Variants in MTA3 observed in about 807,000 individuals in gnomAD.
MTA3 encodes the protein metastasis-associated protein MTA3.
Under a neutral mutation model 83.5 loss-of-function variants are expected in MTA3, and 34 were observed. The ratio of observed to expected loss-of-function variants is 0.41; its 90% CI spans 0.31 to 0.54. MTA3 has a LOEUF of 0.54. MTA3 is among the 20% of genes least tolerant of loss of function. The pLI, the probability that MTA3 is intolerant of heterozygous loss-of-function variation, is 0.33. For missense variants in MTA3, 761 were observed against 726.4 expected (o/e 1.05, Z -0.55); for synonymous variants, 303 against 252.7 (o/e 1.20, Z -1.89).
intron 12 of MTA3, among the ~76,000 whole-genome samples, chr2:42,705,468 G>A (rs571977476): frequency 2.0e-5 from 3 of 152,328 alleles, no homozygotes; most frequent in African/African-American, 7.2e-5. Context: ...ACTTTGGGAG[G>A]CTGAGGCGGG....
intron 2 of MTA3, among the ~76,000 whole-genome samples, chr2:42,531,167 G>A (rs1269420091): frequency 6.6e-6 from 1 of 152,092 alleles, no homozygotes; most frequent in East Asian, 1.9e-4. Flanking sequence ...CTGTTGGTAA[G>A]TAAGCCGGAC....
intron 2 of MTA3, among the ~76,000 whole-genome samples, chr2:42,527,201 A>C (rs1411458348): frequency 6.6e-6 from 1 of 152,044 alleles, no homozygotes; most frequent in East Asian, 1.9e-4. Context: ...GCTCAACTGA[A>C]CCAACCAATC....
intron 11 of MTA3, 127 bp from the exon 12 acceptor site, chr2:42,704,067 T>G: frequency 1.8e-6 from 2 of 1,115,706 alleles, no homozygotes; most frequent in South Asian, 3.3e-5. Context: ...CCAGTTTATT[T>G]CTTCTTCACA....
intron 16 of MTA3, among the ~76,000 whole-genome samples, chr2:42,744,650 G>A (rs1035617149): frequency 2.6e-5 from 4 of 152,174 alleles, no homozygotes; most frequent in African/African-American, 9.7e-5. Flanking sequence ...TTGGGAGGAG[G>A]AGTAGAGGTT....
At position 42,729,086 on chromosome 2, in the gene MTA3, G is replaced by GTTTTTTGTTTTTTTTTTTTTTTTT. The variant is rs1430675726; in HGVS notation, c.1759+6057_1759+6058insGTTTTTTTTTTTTTTTTTTTTTTT. ...TTCTTTTATTAGTTTCACAGTTTGA[G>GTTTTTTGTTTTTTTTTTTTTTTTT]TTTTTTTTTTTTTTTTTTTTTTTTT... On this transcript the variant is annotated intron_variant, in intron 16 of 16. Transcript: ENST00000405094. Among the ~76,000 whole-genome samples the GTTTTTTGTTTTTTTTTTTTTTTTT allele has an allele frequency of 8.3e-5, 5 of 60,142 alleles. 1 individual carries two copies. The highest frequency in any genetic ancestry group is 8.9e-5 in the Non-Finnish European group (3 of 33,858). 39.5% of individuals were successfully genotyped at this position (60,142 alleles called of 152,430 possible). A position where few individuals can be genotyped will look rare whatever the true frequency, so the allele number is the denominator to read the frequency against.
At position 42,695,634 on chromosome 2, in the gene MTA3, C is replaced by CAAAAAAAAAAAAAA. The variant is rs70963347; in HGVS notation, c.892-117_892-104dup. The CAAAAAAAAAAAAAA allele has an allele frequency of 8.4e-5, 11 of 130,792 alleles. No homozygotes were observed. In the African/African-American group the frequency reaches 8.8e-4, roughly 10 times the overall value. The allele number at this position is 130,792 out of a possible 1,614,324, so 8.1% of individuals were successfully genotyped here. On this transcript the variant is annotated intron_variant, in intron 9 of 16. Coordinates refer to ENST00000405094, the MANE Select transcript of MTA3 (RefSeq NM_001330442.2). ...TGGGCAACAAAGTGACAGTCTATCTCAAAAAAAAAAAAAAAAAAAAAAAAA... is the reference window on the plus strand; with the variant it reads ...TGGGCAACAAAGTGACAGTCTATCTCAAAAAAAAAAAAAAAAAAAAAAAAAAAAAAAAAAAAAAA...
chr2:42,621,561 C>A (rs577110639), intron 4 of MTA3, among the ~76,000 whole-genome samples: 1 of 152,366 alleles, frequency 6.6e-6, no homozygotes, highest in East Asian at 1.9e-4. Flanking sequence ...AATCTGACTT[C>A]TCTATCTTTT....
At chr2:42,740,498 C>G (rs1668949656) in intron 16 of MTA3, among the ~76,000 whole-genome samples, 1 of 152,238 alleles carries the variant, frequency 6.6e-6, no homozygotes, top group Admixed American at 6.5e-5. Flanking sequence ...AAGCAGGACC[C>G]TGTCTCCAAT....
chr2:42,658,851 G>C (rs1303337662), intron 7 of MTA3, among the ~76,000 whole-genome samples: 1 of 151,344 alleles, frequency 6.6e-6, no homozygotes, highest in Non-Finnish European at 1.5e-5. Flanking sequence ...GAGGCGGGAG[G>C]ATCACTTGAG....
At chr2:42,502,571 G>C (rs1054493245) in intron 2 of MTA3, among the ~76,000 whole-genome samples, 1 of 152,114 alleles carries the variant, frequency 6.6e-6, no homozygotes, top group African/African-American at 2.4e-5. Flanking sequence ...GGCCAAGGCA[G>C]CTGAATCACC....
intron 2 of MTA3, among the ~76,000 whole-genome samples, chr2:42,536,716 G>A (rs1052937744): frequency 7.9e-5 from 12 of 151,902 alleles, no homozygotes; most frequent in Non-Finnish European, 1.3e-4. Context: ...AAAATTAGCC[G>A]GGCGTGGTAG....
chr2:42,564,170 G>T (rs1052006380), upstream of MTA3, among the ~76,000 whole-genome samples: 6 of 152,138 alleles, frequency 3.9e-5, no homozygotes, highest in Admixed American at 3.3e-4. Flanking sequence ...AAATAGTAGG[G>T]TCAGTTAGGT....
intron 6 of MTA3, among the ~76,000 whole-genome samples, chr2:42,653,537 A>T (rs563593434): frequency 2.6e-5 from 4 of 152,308 alleles, no homozygotes; most frequent in African/African-American, 9.6e-5. Context: ...TCAAAATGGG[A>T]ATCTCCTCTT....
At chr2:42,737,274 G>C (rs1020827708) in intron 16 of MTA3, among the ~76,000 whole-genome samples, 1 of 152,190 alleles carries the variant, frequency 6.6e-6, no homozygotes, top group African/African-American at 2.4e-5. Context: ...TTAACCCACA[G>C]TGGAAGGGCT....
At chr2:42,752,384 C>T in intron 16 of MTA3, 1 of 413,576 alleles carries the variant, frequency 2.4e-6, no homozygotes, top group Non-Finnish European at 5.0e-6. Context: ...CTTATCCCTT[C>T]TCAGCAAACA....
intron 4 of MTA3, among the ~76,000 whole-genome samples, chr2:42,632,048 T>C (rs1016194890): frequency 6.7e-6 from 1 of 150,344 alleles, no homozygotes; most frequent in Non-Finnish European, 1.5e-5. Flanking sequence ...CACCCTATGA[T>C]ACCATCAAAT....
At chr2:42,719,187 A>T in intron 15 of MTA3, 113 bp downstream of exon 15, 1 of 727,278 alleles carries the variant, frequency 1.4e-6, no homozygotes, top group Non-Finnish European at 2.3e-6. Flanking sequence ...AAATAGCCGA[A>T]ATTGGATACC....
At chr2:42,499,354 C>A (rs985437612) in intron 2 of MTA3, among the ~76,000 whole-genome samples, 1 of 151,442 alleles carries the variant, frequency 6.6e-6, no homozygotes, top group Non-Finnish European at 1.5e-5. Flanking sequence ...TTAGTAGAGA[C>A]AGGGTTTCTC....
chr2:42,513,120 C>T (rs763405956), intron 2 of MTA3, among the ~76,000 whole-genome samples: 54 of 152,302 alleles, frequency 3.5e-4, no homozygotes, highest in Admixed American at 1.7e-3. Flanking sequence ...ACTGGGCATA[C>T]GAGAGGCTAG....
Sources: allele counts gnomAD v4.1 joint callset (sites outside exome capture counted in the v4.1 genomes callset), GRCh38; gene constraint gnomAD v4.1.1; transcripts MANE v1.5; gene names NCBI Gene and HGNC (gene_info 2026-07-23, HGNC 2026-07-21).